Variants in SIRT2 observed in about 807,000 individuals in gnomAD.
SIRT2 encodes NAD-dependent protein deacetylase sirtuin-2.
In SIRT2, 40 loss-of-function variants were observed where a neutral mutation model predicts 57.4. The ratio of observed to expected loss-of-function variants is 0.70; its 90% CI spans 0.54 to 0.91. SIRT2 has a LOEUF of 0.91. Among genes scored for constraint, SIRT2 ranks in the 40% least tolerant of loss-of-function variants. The pLI is 0.00. For synonymous variants in SIRT2, 161 were observed against 195.7 expected, an observed-to-expected ratio of 0.82 and a Z score of 1.48; for missense variants, 439 against 510.4, an observed-to-expected ratio of 0.86 and a Z score of 1.35.
intron 2 of SIRT2, among the ~76,000 whole-genome samples, chr19:38,895,247 C>T (rs1973681776): frequency 6.6e-6 from 1 of 152,186 alleles, no homozygotes; most frequent in Non-Finnish European, 1.5e-5. Context: ...GTCTCCACCT[C>T]CCATCCACCC....
chr19:38,879,718 T>TGGGTCA lies in SIRT2; in HGVS notation c.877-22_877-17dup. The stretch of plus-strand genomic sequence containing the variant: ...AAGGGTCCGACTGTCAGGGAGGGGG[T>TGGGTCA]GGGTCAGGGGCAGGAGCAGGGAAGG... On this transcript the variant is annotated splice_polypyrimidine_tract_variant and intron_variant, in intron 13 of 15. Coordinates refer to ENST00000249396, the MANE Select transcript of SIRT2 (RefSeq NM_012237.4). 6.4e-7 allele frequency: 1 copy of TGGGTCA among 1,555,450 alleles called. No homozygotes were observed. Among genetic ancestry groups the TGGGTCA allele is most frequent in the Non-Finnish European group, 8.7e-7 (1 of 1,148,752 alleles).
chr19:38,888,507 C>T (rs1973414380), intron 8 of SIRT2, among the ~76,000 whole-genome samples: 1 of 152,158 alleles, frequency 6.6e-6, no homozygotes, highest in African/African-American at 2.4e-5. Flanking sequence ...GTGTGAGACT[C>T]TCCAAACCAG....
At position 38,893,783 on chromosome 19, in the gene SIRT2, G is replaced by A. The variant is rs758785407; in HGVS notation, c.112+36C>T. The A allele has an allele frequency of 2.5e-6, 4 of 1,609,018 alleles. No homozygotes were observed. In the African/African-American group the frequency reaches 5.3e-5, roughly 22 times the overall value. On this transcript the variant is annotated intron_variant, in intron 3 of 15. Coordinates refer to ENST00000249396, the MANE Select transcript of SIRT2 (RefSeq NM_012237.4). ...TGCCCTGAAATCCCCCCGCCCCCCA[G>A]AACCCTGCTCCCTGTCCCTCCAGGA...
Position 38,893,543 on chromosome 19 carries a change from A to AGAGACAGCGGCAGGACGGGCATT in SIRT2, c.113-39_113-17dup. The AGAGACAGCGGCAGGACGGGCATT allele has an allele frequency of 6.4e-7, 1 of 1,569,598 alleles. No individual in the cohort carries two copies. Among genetic ancestry groups the AGAGACAGCGGCAGGACGGGCATT allele is most frequent in the Non-Finnish European group, 8.8e-7 (1 of 1,140,762 alleles). On this transcript the variant is annotated splice_polypyrimidine_tract_variant and intron_variant, in intron 3 of 15. Transcript: ENST00000249396. ...AGGAAGTCCACTGACCGGAAAGAAG[A>AGAGACAGCGGCAGGACGGGCATT]GAGACAGCGGCAGGACGGGCATTCA...
chr19:38,898,366 T>TC lies in SIRT2; in HGVS notation c.63+12dup. 1 of 1,495,660 alleles carries TC rather than the reference T, an allele frequency of 6.7e-7. No individual in the cohort carries two copies. 92.6% of individuals were successfully genotyped at this position (1,495,660 alleles called of 1,614,324 possible). ...CGTCTCTCTCCTCCCCTCCACCCTT[T>TC]CCCCCATCTCACCTGAGCCTCCTGC... On this transcript the variant is annotated intron_variant, in intron 2 of 15. Transcript: ENST00000249396.
At chr19:38,887,545 ACTC>A (rs1973381320) in intron 8 of SIRT2, among the ~76,000 whole-genome samples, 1 of 151,382 alleles carries the variant, frequency 6.6e-6, no homozygotes. Flanking sequence ...GGATCACAGG[ACTC>A]CTCCTCTTGG....
rs200563255 is a variant in SIRT2, at chr19:38,893,421, G to A, written c.219C>T (p.Ser73=). The A allele has an allele frequency of 2.1e-5, 34 of 1,610,002 alleles. No homozygotes were observed. Among genetic ancestry groups the A allele is most frequent in the Middle Eastern group, 1.6e-4 (1 of 6,078 alleles). The change falls in exon 4 of 16, where the codon AGC becomes AGT. Residue 73 remains serine (S), a synonymous_variant. Coordinates refer to ENST00000249396, the MANE Select transcript of SIRT2 (RefSeq NM_012237.4). The part of the protein sequence containing the change: ...TLEGVARYMQ[S]ERCRRVICLV... ...TCCTGACAGGGGACTCACAGCGTTC[G>A]CTCTGCATGTACCGGGCCACCCCTT...
intron 8 of SIRT2, 83 bp downstream of exon 8, chr19:38,889,004 G>T: frequency 1.5e-6 from 2 of 1,304,396 alleles, no homozygotes; most frequent in Non-Finnish European, 1.1e-6. Flanking sequence ...GAGCTCTTGG[G>T]CACGCAGCTC....
In SIRT2 at chr19:38,898,378, C is replaced by A; in HGVS notation, c.63+1G>T. ...CCCCTCCACCCTTTCCCCCATCTCA[C>A]CTGAGCCTCCTGCACCTTCCCTGCC... On this transcript the variant is annotated splice_donor_variant, in intron 2 of 15. Coordinates refer to ENST00000249396, the MANE Select transcript of SIRT2 (RefSeq NM_012237.4). LOFTEE classifies it high-confidence loss of function. 1.3e-6 allele frequency: 2 copies of A among 1,535,252 alleles called. No individual in the cohort carries two copies. The highest frequency in any genetic ancestry group is 2.3e-5 in the East Asian group (1 of 43,106).
In SIRT2 at chr19:38,878,872, G is replaced by C; in HGVS notation, c.*283C>G. The C allele has an allele frequency of 2.7e-6, 1 of 366,816 alleles. No homozygotes were observed. The allele number at this position is 366,816 out of a possible 1,614,324, so 22.7% of individuals were successfully genotyped here. ...TTCTGGGGTAGCCCTGGCCCCGTGG[G>C]GGCAGTTAGAGATGAGGGAGGTTAC... On this transcript the variant is annotated 3_prime_UTR_variant, in exon 16 of 16. Coordinates refer to ENST00000249396, the MANE Select transcript of SIRT2 (RefSeq NM_012237.4).
At chr19:38,886,433 GTTA>G (rs1205165086) in intron 8 of SIRT2, among the ~76,000 whole-genome samples, 5 of 150,750 alleles carry the variant, frequency 3.3e-5, no homozygotes, top group Admixed American at 3.3e-4. Flanking sequence ...TCTGCGTTCT[GTTA>G]TTCTTTGACA....
chr19:38,881,850 GC>G (rs573246714), intron 9 of SIRT2, among the ~76,000 whole-genome samples: 14 of 151,854 alleles, frequency 9.2e-5, no homozygotes, highest in Admixed American at 3.3e-4. Context: ...AGCACGCCCG[GC>G]TAAATTTTGT....
intron 8 of SIRT2, among the ~76,000 whole-genome samples, chr19:38,886,885 C>T (rs1410482758): frequency 6.6e-6 from 1 of 152,048 alleles, no homozygotes; most frequent in African/African-American, 2.4e-5. Flanking sequence ...GCTGGGATTA[C>T]AGACGTGAGC....
intron 10 of SIRT2, 41 bp downstream of exon 10, chr19:38,881,391 C>T: frequency 1.3e-6 from 2 of 1,599,718 alleles, no homozygotes. Flanking sequence ...AGGGGACCCC[C>T]ACCCAAATCC....
chr19:38,884,088 C>T (rs972517216), intron 8 of SIRT2, among the ~76,000 whole-genome samples: 60 of 138,802 alleles, frequency 4.3e-4, no homozygotes, highest in African/African-American at 1.4e-3. Flanking sequence ...CATATCAAGA[C>T]GCTTGTCTCT....
At chr19:38,897,005 G>A (rs1384979520) in intron 2 of SIRT2, among the ~76,000 whole-genome samples, 1 of 152,148 alleles carries the variant, frequency 6.6e-6, no homozygotes, top group African/African-American at 2.4e-5. Context: ...ACCTCTCCTG[G>A]CAGCCTCTGA....
At chr19:38,879,773 G>T (rs953616684) in intron 13 of SIRT2, 71 bp from the exon 14 acceptor site, 2 of 1,181,970 alleles carry the variant, frequency 1.7e-6, no homozygotes, top group Non-Finnish European at 2.4e-6. Flanking sequence ...CCTGGAGCCA[G>T]GTGGCCTGGG....
At chr19:38,885,788 A>C (rs1457602974) in intron 8 of SIRT2, among the ~76,000 whole-genome samples, 1 of 151,632 alleles carries the variant, frequency 6.6e-6, no homozygotes, top group Non-Finnish European at 1.5e-5. Context: ...ACGGGGTTTC[A>C]CCATGTTGGT....
At chr19:38,881,844 C>T (rs1038716885) in intron 9 of SIRT2, among the ~76,000 whole-genome samples, 15 of 151,842 alleles carry the variant, frequency 9.9e-5, no homozygotes, top group African/African-American at 1.9e-4. Flanking sequence ...CATGCCAGCA[C>T]GCCCGGCTAA....
Sources: gnomAD v4.1 joint callset for allele counts (sites outside exome capture counted in the v4.1 genomes callset) on GRCh38, gnomAD v4.1.1 for gene constraint, MANE v1.5 for transcripts, NCBI Gene and HGNC (gene_info 2026-07-23, HGNC 2026-07-21) for gene names.